Variants in FBXL17 observed in about 807,000 individuals in gnomAD.
The protein encoded by FBXL17 is F-box and leucine rich repeat protein 17, also known as F-box/LRR-repeat protein 17.
In FBXL17, 22 loss-of-function variants were observed where a neutral mutation model predicts 66.2. The ratio of observed to expected loss-of-function variants is 0.33; its 90% CI spans 0.24 to 0.47. The LOEUF (loss-of-function observed/expected upper bound fraction) is 0.47. Among genes scored for constraint, FBXL17 ranks in the 20% least tolerant of loss-of-function variants. The pLI is 1.00. For synonymous variants in FBXL17, 474 were observed against 400.5 expected (o/e 1.18, Z -2.19); for missense variants, 878 against 948.2 (o/e 0.93, Z 0.97).
At chr5:108,198,982 T>C (rs1357637673) in intron 5 of FBXL17, among the ~76,000 whole-genome samples, 1 of 152,256 alleles carries the variant, frequency 6.6e-6, no homozygotes, top group South Asian at 2.1e-4. Context: ...CTTTGATTTA[T>C]ATAATAAAGC....
At chr5:108,019,691 G>A (rs1016661806) in intron 7 of FBXL17, among the ~76,000 whole-genome samples, 5 of 151,720 alleles carry the variant, frequency 3.3e-5, no homozygotes, top group Admixed American at 1.3e-4. Context: ...TCAATATGCC[G>A]TGTGTTGGTC....
chr5:108,066,746 A>G (rs1748130572), intron 6 of FBXL17, among the ~76,000 whole-genome samples: 1 of 151,904 alleles, frequency 6.6e-6, no homozygotes, highest in Non-Finnish European at 1.5e-5. Flanking sequence ...TTTTAAAATC[A>G]GTTGTTTTTA....
At chr5:107,875,434 G>A (rs1479099417) in intron 8 of FBXL17, among the ~76,000 whole-genome samples, 1 of 152,180 alleles carries the variant, frequency 6.6e-6, no homozygotes, top group East Asian at 1.9e-4. Flanking sequence ...TATTTAGGTT[G>A]TTGAGGCTTT....
intron 7 of FBXL17, among the ~76,000 whole-genome samples, chr5:107,985,382 C>T (rs1326841452): frequency 6.6e-6 from 1 of 152,174 alleles, no homozygotes; most frequent in Non-Finnish European, 1.5e-5. Flanking sequence ...CCAAGTGTCT[C>T]AAGAGGAAGC....
At chr5:108,286,265 C>T (rs1390542665) in intron 4 of FBXL17, among the ~76,000 whole-genome samples, 1 of 151,776 alleles carries the variant, frequency 6.6e-6, no homozygotes, top group African/African-American at 2.4e-5. Context: ...TACTCATATT[C>T]AACATAGTAC....
chr5:108,071,273 C>CTAAGT (rs1748320499), intron 6 of FBXL17, among the ~76,000 whole-genome samples: 6 of 152,156 alleles, frequency 3.9e-5, no homozygotes, highest in Non-Finnish European at 8.8e-5. Flanking sequence ...ATTTTCATGA[C>CTAAGT]CCTACTACAC....
At chr5:108,145,483 A>T (rs1444543862) in intron 6 of FBXL17, among the ~76,000 whole-genome samples, 1 of 152,162 alleles carries the variant, frequency 6.6e-6, no homozygotes, top group East Asian at 1.9e-4. Context: ...CTTACTTAAT[A>T]ATTTCCCTCA....
chr5:108,037,277 C>T (rs972250853), intron 6 of FBXL17, among the ~76,000 whole-genome samples: 1 of 152,196 alleles, frequency 6.6e-6, no homozygotes, highest in Non-Finnish European at 1.5e-5. Context: ...TCATTTTACA[C>T]TTCTTGATAT....
At chr5:108,133,051 C>A (rs80105235) in intron 6 of FBXL17, among the ~76,000 whole-genome samples, 2 of 152,148 alleles carry the variant, frequency 1.3e-5, no homozygotes, top group East Asian at 1.9e-4. Context: ...TATTGGGAAA[C>A]AATAATCGTC....
At chr5:108,250,458 T>A (rs1756300309) in intron 4 of FBXL17, among the ~76,000 whole-genome samples, 1 of 152,140 alleles carries the variant, frequency 6.6e-6, no homozygotes, top group Non-Finnish European at 1.5e-5. Flanking sequence ...GAAGGATGTT[T>A]TTTAGTGACC....
chr5:108,094,333 T>C (rs72798157), intron 6 of FBXL17, among the ~76,000 whole-genome samples: 3,441 of 152,284 alleles, frequency 0.023, 58 homozygotes, highest in Middle Eastern at 0.048. Context: ...GTATACCTTA[T>C]ATCCAGAAAC....
intron 4 of FBXL17, among the ~76,000 whole-genome samples, chr5:108,276,557 T>C (rs1417225228): frequency 6.6e-6 from 1 of 152,090 alleles, no homozygotes; most frequent in Non-Finnish European, 1.5e-5. Flanking sequence ...AGGATTTTTA[T>C]CCTTCTATTT....
At chr5:108,173,158 T>C (rs888757363) in intron 6 of FBXL17, among the ~76,000 whole-genome samples, 1 of 152,062 alleles carries the variant, frequency 6.6e-6, no homozygotes, top group Non-Finnish European at 1.5e-5. Flanking sequence ...GAAATCTAGA[T>C]TGAGTATGTA....
rs187993648 is a variant in FBXL17, at chr5:108,052,067, C to G, written c.1746-31066G>C. 7.0e-3 allele frequency among the ~76,000 whole-genome samples: 974 copies of G among 138,170 alleles called. 10 individuals carry two copies. The highest frequency in any genetic ancestry group is 0.025 in the African/African-American group (939 of 37,178). 90.6% of individuals were successfully genotyped at this position (138,170 alleles called of 152,430 possible). ...GGCGGAGCTTGCACTGAGCCGAGAT[C>G]GTGCCACTGCACTCCAGCCTAAGCA... On this transcript the variant is annotated intron_variant, in intron 6 of 8. Transcript: ENST00000542267.
At chr5:107,879,790 G>A in intron 8 of FBXL17, 2 of 985,352 alleles carry the variant, frequency 2.0e-6, no homozygotes, top group Non-Finnish European at 2.4e-6. Flanking sequence ...ACAAGATGGC[G>A]GCACTTTCTG....
intron 3 of FBXL17, among the ~76,000 whole-genome samples, chr5:108,350,231 A>C (rs1443910381): frequency 6.6e-6 from 1 of 152,208 alleles, no homozygotes; most frequent in Admixed American, 6.5e-5. Context: ...CTGTTTAAAA[A>C]TTAGTTAAAT....
At chr5:107,950,578 T>C (rs78220616) in intron 7 of FBXL17, among the ~76,000 whole-genome samples, 4,094 of 152,266 alleles carry the variant, frequency 0.027, 174 homozygotes, top group African/African-American at 0.094. Context: ...TTAGAAACTT[T>C]TGGGTACAGT....
At position 108,103,566 on chromosome 5, in the gene FBXL17, A is replaced by AT. The variant is rs570499396; in HGVS notation, c.1745+82550dup. On this transcript the variant is annotated intron_variant, in intron 6 of 8. Transcript: ENST00000542267. ...CTTTGTGAGAATCAAAAGTAAACAA[A>AT]TATATGTCAAACAAAAAAAAAGATT... 2.7e-3 allele frequency among the ~76,000 whole-genome samples: 397 copies of AT among 148,404 alleles called. 5 individuals are homozygous for AT. The highest frequency in any genetic ancestry group is 0.01 in the African/African-American group (380 of 37,930).
At chr5:107,939,100 T>A (rs531658891) in intron 7 of FBXL17, among the ~76,000 whole-genome samples, 65 of 152,184 alleles carry the variant, frequency 4.3e-4, no homozygotes, top group Non-Finnish European at 8.1e-4. Flanking sequence ...GCTGAATGAG[T>A]CATGAATGAT....
Sources: allele counts gnomAD v4.1 joint callset (sites outside exome capture counted in the v4.1 genomes callset), GRCh38; gene constraint gnomAD v4.1.1; transcripts MANE v1.5; gene names NCBI Gene and HGNC (gene_info 2026-07-23, HGNC 2026-07-21).